PIK3R2: variants seen among roughly 807,000 people sequenced by gnomAD.
The protein encoded by PIK3R2 is phosphoinositide-3-kinase regulatory subunit 2.
Under a neutral mutation model 78.5 loss-of-function variants are expected in PIK3R2, and 40 were observed. The observed-to-expected ratio is 0.51, with a 90% CI of 0.40 to 0.66. PIK3R2 has a LOEUF of 0.66. PIK3R2 is among the 30% of genes least tolerant of loss of function. The pLI, the probability that PIK3R2 is intolerant of heterozygous loss-of-function variation, is 0.00. For missense variants in PIK3R2, 880 were observed against 1,026.6 expected, an observed-to-expected ratio of 0.86 and a Z score of 1.95; for synonymous variants, 473 against 457.7, an observed-to-expected ratio of 1.03 and a Z score of -0.43.
In PIK3R2 at chr19:18,169,647, T is replaced by C; in HGVS notation, c.*353T>C. On this transcript the variant is annotated 3_prime_UTR_variant, in exon 16 of 16. Transcript: ENST00000222254. ...GGTCCCCCGGGGTCCCGGAAGCCCC[T>C]TCTGGCTGCACCTGCCATGTTTACA... is the stretch of plus-strand genomic sequence containing the variant. The C allele has an allele frequency of 4.1e-6, 1 of 243,718 alleles. No individual in the cohort carries two copies. Among genetic ancestry groups the C allele is most frequent in the Non-Finnish European group, 8.0e-6 (1 of 125,328 alleles). The allele number at this position is 243,718 out of a possible 1,614,324, so 15.1% of individuals were successfully genotyped here. A position where few individuals can be genotyped will look rare whatever the true frequency, so the allele number is the denominator to read the frequency against.
Position 18,161,097 on chromosome 19 carries a change from G to C in PIK3R2, c.510G>C (p.Leu170=). ...TGGATCAGTGGGACACGGCAGCCCT[G>C]GCTGACGGCATTAAGAGCTTCCTGC... is the stretch of plus-strand genomic sequence containing the variant. ...SDVDQWDTAA[L]ADGIKSFLLA... is the part of the protein sequence containing the mutation. The change falls in exon 5 of 16, where the codon CTG becomes CTC. Residue 170 remains leucine (L), a synonymous_variant. Transcript: ENST00000222254. The surrounding 1 kb of genome is among the most constrained non-coding windows in gnomAD (Gnocchi z 5.3). The C allele has an allele frequency of 6.2e-7, 1 of 1,605,042 alleles. No individual in the cohort carries two copies. The highest frequency in any genetic ancestry group is 1.1e-5 in the South Asian group (1 of 89,628).
intron 2 of PIK3R2, 27 bp from the exon 3 acceptor site, chr19:18,160,444 A>G (rs2043728814): frequency 1.4e-6 from 2 of 1,413,154 alleles, no homozygotes; most frequent in African/African-American, 1.4e-5. Context: ...CCCCACCAAC[A>G]TGCAACCCCC....
chr19:18,160,839 G>T (rs1599971325), intron 3 of PIK3R2, 80 bp from the exon 4 acceptor site: 1 of 1,511,822 alleles, frequency 6.6e-7, no homozygotes, highest in East Asian at 2.4e-5. Flanking sequence ...GAGACTGCAG[G>T]GGGGTTGAGC....
chr19:18,161,011 C>T lies in PIK3R2; in HGVS notation c.466+42C>T. The T allele has an allele frequency of 6.2e-7, 1 of 1,612,134 alleles. No homozygotes were observed. Among genetic ancestry groups the T allele is most frequent in the South Asian group, 1.1e-5 (1 of 90,794 alleles). On this transcript the variant is annotated intron_variant, in intron 4 of 15. Transcript: ENST00000222254. The surrounding 1 kb of genome is among the most constrained non-coding windows in gnomAD (Gnocchi z 5.3). ...ATGGGGTTGGGAGGAGGCTGGGGGC[C>T]CCAGTACACATGAGTTGGACGTGTG...
At position 18,160,640 on chromosome 19, in the gene PIK3R2, G is replaced by A. The variant is rs2043732186; in HGVS notation, c.415+77G>A. On this transcript the variant is annotated intron_variant, in intron 3 of 15. Coordinates refer to ENST00000222254, the MANE Select transcript of PIK3R2 (RefSeq NM_005027.4). Reference sequence around the variant, plus strand: ...GACAGGCGACTCATCCTCTCACAGGGCCTCCAAGCTCATGCTGCACGGAAA... The same window carrying A: ...GACAGGCGACTCATCCTCTCACAGGACCTCCAAGCTCATGCTGCACGGAAA... The A allele has an allele frequency of 7.7e-6, 9 of 1,164,384 alleles. No individual in the cohort carries two copies. The East Asian group carries it at 2.0e-4, about 26-fold the overall frequency. The allele number at this position is 1,164,384 out of a possible 1,614,324, so 72.1% of individuals were successfully genotyped here.
Position 18,161,299 on chromosome 19 carries a change from CCG to C in PIK3R2, c.620_621del (p.Pro207ArgfsTer67). 1 of 1,383,514 alleles carries C rather than the reference CCG, an allele frequency of 7.2e-7. No homozygotes were observed. Among genetic ancestry groups the C allele is most frequent in the Non-Finnish European group, 9.3e-7 (1 of 1,076,474 alleles). The allele number at this position is 1,383,514 out of a possible 1,614,324, so 85.7% of individuals were successfully genotyped here. Reference sequence around the variant, plus strand: ...CGCAGAGGCCGCGGGGCCCGTGGGGCCGGCGCTGGAGCCACCGACGCTGCCGC... The same window carrying C: ...CGCAGAGGCCGCGGGGCCCGTGGGGCGCGCTGGAGCCACCGACGCTGCCGC... Reference protein sequence around the residue: ...ALREAAGPVGPALEPPTLPLH... With the variant: ...ALREAAGPVGXALEPPTLPLH... On this transcript the variant is annotated frameshift_variant, in exon 6 of 16. Transcript: ENST00000222254. LOFTEE classifies it high-confidence loss of function. The surrounding 1 kb of genome is among the most constrained non-coding windows in gnomAD (Gnocchi z 5.3).
rs903373803 is a variant in PIK3R2, at chr19:18,162,496, C to G, written c.1099C>G (p.Leu367Val). 2.5e-6 allele frequency: 4 copies of G among 1,612,882 alleles called. No individual in the cohort carries two copies. The highest frequency in any genetic ancestry group is 1.3e-5 in the African/African-American group (1 of 74,886). ...TAGCAAGATCCAGGGCGAGTACACG[C>G]TGACCCTCAGGTGGGGGCCTGTCCC... ...ASSKIQGEYTLTLRKGGNNKL... is the reference protein window; with the variant it reads ...ASSKIQGEYTVTLRKGGNNKL... Residue 367 changes from leucine to valine, a missense_variant, in exon 9 of 16, where the codon CTG (leucine) becomes GTG (valine). Transcript: ENST00000222254.
In PIK3R2 at chr19:18,167,919, T is replaced by C. The variant is rs1448868333; in HGVS notation, c.1737-556T>C. On this transcript the variant is annotated intron_variant, in intron 13 of 15. Transcript: ENST00000222254. This position sits in a 1 kb window ranked among gnomAD's most constrained non-coding sequence, Gnocchi z 4.5. ...TGTGCAACCTACCATGCTGGGTGGC[T>C]GCGGCAGCCCTGTCCTGGGTTCAAA... is the stretch of plus-strand genomic sequence containing the variant. Among the ~76,000 whole-genome samples, 1 of 151,956 alleles carries C rather than the reference T, an allele frequency of 6.6e-6. No homozygotes were observed. Among genetic ancestry groups the C allele is most frequent in the Non-Finnish European group, 1.5e-5 (1 of 67,998 alleles).
rs1568638773 is a variant in PIK3R2, at chr19:18,166,321, C to T, written c.1559+19C>T. 1.2e-6 allele frequency: 2 copies of T among 1,603,672 alleles called. No homozygotes were observed. Among genetic ancestry groups the T allele is most frequent in the Admixed American group, 3.3e-5 (2 of 59,890 alleles). On this transcript the variant is annotated intron_variant, in intron 12 of 15. Transcript: ENST00000222254. The stretch of plus-strand genomic sequence containing the variant: ...TGCAAAGGTGAGTCTGGCGCCTCTG[C>T]CCTGCCCCACCCCACCCTGATCTGG...
At chr19:18,154,722 G>C (rs781475711) in intron 1 of PIK3R2, among the ~76,000 whole-genome samples, 1 of 151,994 alleles carries the variant, frequency 6.6e-6, no homozygotes, top group Non-Finnish European at 1.5e-5. Flanking sequence ...CCTACTGCAC[G>C]GCCCTAGATA....
Position 18,153,304 on chromosome 19 carries a change from G to T in PIK3R2, c.-424+10G>T. On this transcript the variant is annotated intron_variant, in intron 1 of 15. Coordinates refer to ENST00000222254, the MANE Select transcript of PIK3R2 (RefSeq NM_005027.4). ...TGGCGGCCGCGACCAGGTGAGTCCT[G>T]ACTGGCCCTCGTGGCGGGGGCGGCT... 6.5e-6 allele frequency: 1 copy of T among 153,954 alleles called. No homozygotes were observed. The highest frequency in any genetic ancestry group is 1.8e-4 in the South Asian group (1 of 5,616). The allele number at this position is 153,954 out of a possible 1,614,324, so 9.5% of individuals were successfully genotyped here.
In PIK3R2 at chr19:18,170,458, C is replaced by G. The variant is rs947037066; in HGVS notation, c.*1164C>G. On this transcript the variant is annotated 3_prime_UTR_variant, in exon 16 of 16. Coordinates refer to ENST00000222254, the MANE Select transcript of PIK3R2 (RefSeq NM_005027.4). ...TTCTACGCTGCCCTTGGCCACCACA[C>G]TGCCTGCCCCACGAGCTGGGAGGCA... 6 of 152,180 alleles carry G rather than the reference C, an allele frequency of 3.9e-5. No individual in the cohort carries two copies. The highest frequency in any genetic ancestry group is 7.3e-5 in the Non-Finnish European group (5 of 68,040). The allele number at this position is 152,180 out of a possible 1,614,324, so 9.4% of individuals were successfully genotyped here.
chr19:18,160,503 T>C lies in PIK3R2; in HGVS notation c.355T>C (p.Ser119Pro), dbSNP rs758569352. The change falls in exon 3 of 16, where the codon TCC (serine) becomes CCC (proline). Residue 119 changes from serine to proline, a missense_variant. By Grantham distance (74) the Ser-to-Pro change is moderately conservative. This residue lies in a region of PIK3R2 where 456 missense variants were observed against 486.6 expected (regional missense o/e 0.94). Transcript: ENST00000222254. ...LTLPDLPEQF[S>P]PPDVAPPLLV... ...ACTCCCCGACTTGCCCGAGCAGTTC[T>C]CCCCACCTGATGTGGCTCCCCCTCT... 1 of 1,613,926 alleles carries C rather than the reference T, an allele frequency of 6.2e-7. No individual in the cohort carries two copies.
rs1038312942 is a variant in PIK3R2 at position 18,161,391 on chromosome 19, G to C, written c.711G>C (p.Pro237=). ...TGGGCCGCGTGGCCAGCCGCGCCCC[G>C]GCCCTGGGTCCCGCGGTCCGGGCCC... ...QHLGRVASRA[P]ALGPAVRALG... is the part of the protein sequence containing the mutation. Residue 237 remains proline, a synonymous_variant, in exon 6 of 16, where the codon CCG becomes CCC. Coordinates refer to ENST00000222254, the MANE Select transcript of PIK3R2 (RefSeq NM_005027.4). This position sits in a 1 kb window ranked among gnomAD's most constrained non-coding sequence, Gnocchi z 5.3. 8.2e-7 allele frequency: 1 copy of C among 1,225,306 alleles called. No homozygotes were observed. The highest frequency in any genetic ancestry group is 1.0e-6 in the Non-Finnish European group (1 of 984,322). 75.9% of individuals were successfully genotyped at this position (1,225,306 alleles called of 1,614,324 possible).
chr19:18,157,890 T>C (rs1180676427), intron 2 of PIK3R2, among the ~76,000 whole-genome samples: 2 of 152,176 alleles, frequency 1.3e-5, no homozygotes, highest in East Asian at 1.9e-4. Flanking sequence ...CGTCCAATGG[T>C]GGCAGACAGC....
intron 11 of PIK3R2, 152 bp from the exon 12 acceptor site, chr19:18,166,008 G>A: frequency 4.1e-6 from 4 of 964,024 alleles, no homozygotes; most frequent in Non-Finnish European, 6.7e-6. Flanking sequence ...CTGAATAGGA[G>A]TTCATTTGGT....
Position 18,169,313 on chromosome 19 carries a change from A to C in PIK3R2, c.*19A>C. 1 of 1,389,038 alleles carries C rather than the reference A, an allele frequency of 7.2e-7. No homozygotes were observed. The highest frequency in any genetic ancestry group is 9.3e-7 in the Non-Finnish European group (1 of 1,076,336). 86.0% of individuals were successfully genotyped at this position (1,389,038 alleles called of 1,614,324 possible). ...CCGCTGAGCACCGAGGACCCGCCCC[A>C]AGCAGAGCCGCCCCTGGGCCCGTCT... On this transcript the variant is annotated 3_prime_UTR_variant, in exon 16 of 16. Transcript: ENST00000222254.
In PIK3R2 at chr19:18,163,049, G is replaced by A. The variant is rs771756537; in HGVS notation, c.1192G>A (p.Val398Ile). 26 of 1,613,314 alleles carry A rather than the reference G, an allele frequency of 1.6e-5. No individual in the cohort carries two copies. The highest frequency in any genetic ancestry group is 6.7e-5 in the East Asian group (3 of 44,842). Reference protein sequence around the residue: ...GFSEPLTFCSVVDLINHYRHE... With the variant: ...GFSEPLTFCSIVDLINHYRHE... The stretch of plus-strand genomic sequence containing the variant: ...CTCAGAGCCACTCACCTTCTGCTCC[G>A]TTGTGGACCTCATCAATCACTACCG... The change falls in exon 10 of 16, where the codon GTT (valine) becomes ATT (isoleucine). Residue 398 changes from valine to isoleucine, a missense_variant. Val to Ile is a conservative substitution (Grantham distance 29, BLOSUM62 3). Transcript: ENST00000222254.
chr19:18,166,250 A>G lies in PIK3R2; in HGVS notation c.1507A>G (p.Lys503Glu). ...GGGCCAGACTCAAGAGAAATGCAGCAAGGAATACCTGGAGCGCTTCCGGCG... is the reference window on the plus strand; with the variant it reads ...GGGCCAGACTCAAGAGAAATGCAGCGAGGAATACCTGGAGCGCTTCCGGCG... ...EQGQTQEKCS[K>E]EYLERFRREG... The change falls in exon 12 of 16, where the codon AAG becomes GAG. Residue 503 changes from lysine (K) to glutamate (E), a missense_variant. By Grantham distance (56) the Lys-to-Glu change is moderately conservative. Transcript: ENST00000222254. 7.4e-6 allele frequency: 12 copies of G among 1,614,178 alleles called. No homozygotes were observed. The highest frequency in any genetic ancestry group is 9.3e-6 in the Non-Finnish European group (11 of 1,180,032).
Sources: gnomAD v4.1 joint callset for allele counts (sites outside exome capture counted in the v4.1 genomes callset) on GRCh38, gnomAD v4.1.1 for gene constraint, gnomAD v4.1.1 regional missense constraint, Gnocchi (gnomAD v3.1) non-coding constraint, MANE v1.5 for transcripts, NCBI Gene and HGNC (gene_info 2026-07-23, HGNC 2026-07-21) for gene names.